The following AFG2A variants were observed in gnomAD, a reference collection of about 807,000 sequenced individuals.
AFG2A encodes ATPase family gene 2 protein homolog A.
At chr4:123,230,969 G>T in the AFG2A span, among the ~76,000 whole-genome samples, 1 of 151,946 alleles carries the variant, frequency 6.6e-6, no homozygotes, top group East Asian at 1.9e-4. Flanking sequence ...TATAAACAAA[G>T]TGTTGTCTTG....
the AFG2A span, among the ~76,000 whole-genome samples, chr4:123,174,813 C>G: frequency 1.0e-4 from 12 of 117,452 alleles, no homozygotes; most frequent in African/African-American, 2.5e-4. Context: ...TTTTTCTGAT[C>G]TTTTTTAAAA....
chr4:123,130,389 T>C, the AFG2A span, among the ~76,000 whole-genome samples: 1 of 152,144 alleles, frequency 6.6e-6, no homozygotes, highest in Non-Finnish European at 1.5e-5. Flanking sequence ...AACAATTTAT[T>C]TACTCCAAAA....
the AFG2A span, among the ~76,000 whole-genome samples, chr4:123,011,782 G>T: frequency 1.3e-5 from 2 of 152,118 alleles, no homozygotes; most frequent in Admixed American, 6.6e-5. Context: ...AGGGTGGAAG[G>T]TTGCCTATAG....
At chr4:123,110,327 G>T in the AFG2A span, among the ~76,000 whole-genome samples, 1 of 152,136 alleles carries the variant, frequency 6.6e-6, no homozygotes, top group African/African-American at 2.4e-5. Flanking sequence ...GTATTCTGCA[G>T]CCAAGTTTCC....
the AFG2A span, among the ~76,000 whole-genome samples, chr4:122,972,327 G>A: frequency 6.6e-6 from 1 of 151,908 alleles, no homozygotes; most frequent in South Asian, 2.1e-4. Context: ...TCTTTTTAAT[G>A]GCAGTAGGTT....
At chr4:123,024,544 C>T in the AFG2A span, among the ~76,000 whole-genome samples, 1 of 152,160 alleles carries the variant, frequency 6.6e-6, no homozygotes, top group Non-Finnish European at 1.5e-5. Flanking sequence ...TCATGATGGT[C>T]CCAGCAAAGT....
chr4:122,986,251 A>G, the AFG2A span, among the ~76,000 whole-genome samples: 1 of 152,118 alleles, frequency 6.6e-6, no homozygotes, highest in Non-Finnish European at 1.5e-5. Context: ...GTATTCTGCA[A>G]TTGTTGGATG....
chr4:123,007,568 ATG>A, the AFG2A span, among the ~76,000 whole-genome samples: 249 of 91,674 alleles, frequency 2.7e-3, 1 homozygote, highest in African/African-American at 0.011. Context: ...GTGTGTGTAT[ATG>A]TGTGTGTGTG....
the AFG2A span, among the ~76,000 whole-genome samples, chr4:123,128,644 T>C: frequency 6.6e-6 from 1 of 152,116 alleles, no homozygotes; most frequent in Non-Finnish European, 1.5e-5. Context: ...AGTGAATGGA[T>C]TTTTATATAC....
At chr4:123,263,814 G>C in the AFG2A span, among the ~76,000 whole-genome samples, 1 of 152,108 alleles carries the variant, frequency 6.6e-6, no homozygotes, top group Admixed American at 6.5e-5. Context: ...ATTCCTTAAA[G>C]AACTAAAAGT....
chr4:123,237,631 C>G, the AFG2A span, among the ~76,000 whole-genome samples: 1 of 140,996 alleles, frequency 7.1e-6, no homozygotes, highest in Non-Finnish European at 1.5e-5. Flanking sequence ...TGAGATCATG[C>G]CACTGCACTC....
the AFG2A span, among the ~76,000 whole-genome samples, chr4:123,204,286 G>C: frequency 1.3e-5 from 2 of 152,120 alleles, no homozygotes; most frequent in Non-Finnish European, 1.5e-5. Context: ...TTCATGTTTA[G>C]TTCTATTTTA....
chr4:123,308,553 G>C, the AFG2A span, among the ~76,000 whole-genome samples: 1 of 152,122 alleles, frequency 6.6e-6, no homozygotes, highest in Non-Finnish European at 1.5e-5. Context: ...GATCCAGGTT[G>C]TGCACTCCTT....
chr4:123,256,766 T>A, the AFG2A span: 4 of 985,220 alleles, frequency 4.1e-6, no homozygotes, highest in Non-Finnish European at 4.8e-6. Context: ...GCAAGACCTC[T>A]GTGAAAATAT....
the AFG2A span, among the ~76,000 whole-genome samples, chr4:123,062,204 T>A: frequency 2.0e-5 from 3 of 152,174 alleles, no homozygotes; most frequent in Non-Finnish European, 4.4e-5. Context: ...CAATGGCTCG[T>A]CATGTGTTAC....
At chr4:123,118,209 AC>A in the AFG2A span, among the ~76,000 whole-genome samples, 1 of 148,758 alleles carries the variant, frequency 6.7e-6, no homozygotes, top group Non-Finnish European at 1.5e-5. Context: ...TTTCCACCTT[AC>A]TTTTATTAGT....
chr4:122,947,426 A>G, the AFG2A span: 2 of 1,614,196 alleles, frequency 1.2e-6, no homozygotes, highest in Non-Finnish European at 1.7e-6. Flanking sequence ...GAGCTGCTGC[A>G]GCTGGCAAAT....
chr4:123,278,951 C>A, the AFG2A span, among the ~76,000 whole-genome samples: 1 of 152,034 alleles, frequency 6.6e-6, no homozygotes, highest in Non-Finnish European at 1.5e-5. Context: ...ATGTGCTGAG[C>A]CTTTAAGGGG....
the AFG2A span, among the ~76,000 whole-genome samples, chr4:123,035,255 A>G: frequency 2.0e-5 from 3 of 152,068 alleles, no homozygotes; most frequent in African/African-American, 4.8e-5. Flanking sequence ...ATGTCATTTC[A>G]TGCCTTTTGT....
Sources: gnomAD v4.1 joint callset for allele counts (sites outside exome capture counted in the v4.1 genomes callset) on GRCh38, gnomAD v4.1.1 for gene constraint, MANE v1.5 for transcripts, NCBI Gene and HGNC (gene_info 2026-07-23, HGNC 2026-07-21) for gene names.